The following FHIT variants were observed in gnomAD, a reference collection of about 807,000 sequenced individuals.
FHIT encodes the protein bis(5'-adenosyl)-triphosphatase.
In FHIT, 19 loss-of-function variants were observed where a neutral mutation model predicts 17.9. That is an observed-to-expected ratio of 1.06 (90% CI 0.74 to 1.56). FHIT has a LOEUF of 1.56. Among genes scored for constraint, FHIT ranks in the 40% most tolerant of loss-of-function variants. The pLI, the probability that FHIT is intolerant of heterozygous loss-of-function variation, is 0.00. For missense variants in FHIT, 248 were observed against 189.2 expected, an observed-to-expected ratio of 1.31 and a Z score of -1.82; for synonymous variants, 81 against 69.7, an observed-to-expected ratio of 1.16 and a Z score of -0.81.
At chr3:61,090,870 A>AT (rs780525244) in intron 2 of FHIT, among the ~76,000 whole-genome samples, 3 of 152,190 alleles carry the variant, frequency 2.0e-5, no homozygotes, top group Non-Finnish European at 4.4e-5. Flanking sequence ...CCAAAAGAGT[A>AT]AAAATTGATG....
chr3:60,253,359 C>T (rs1457175260), intron 5 of FHIT, among the ~76,000 whole-genome samples: 1 of 152,164 alleles, frequency 6.6e-6, no homozygotes, highest in African/African-American at 2.4e-5. Flanking sequence ...TTATTAAGAA[C>T]AACTCTGCTG....
intron 3 of FHIT, among the ~76,000 whole-genome samples, chr3:60,867,176 A>T (rs74465122): frequency 0.013 from 2,020 of 152,106 alleles, 42 homozygotes; most frequent in African/African-American, 0.047. Flanking sequence ...AAAATCAGCA[A>T]ATTTGCTTAT....
intron 5 of FHIT, among the ~76,000 whole-genome samples, chr3:60,016,294 C>T (rs7614540): frequency 0.46 from 70,041 of 151,986 alleles, 17,612 homozygotes; most frequent in East Asian, 0.79. Context: ...GTTTTTTTAG[C>T]AATAATATTT....
intron 8 of FHIT, among the ~76,000 whole-genome samples, chr3:59,761,340 C>T (rs1701503005): frequency 6.6e-6 from 1 of 152,184 alleles, no homozygotes; most frequent in Non-Finnish European, 1.5e-5. Flanking sequence ...TTCGTATCCT[C>T]TCGGCTAGCT....
chr3:60,506,401 T>A (rs1437649616), intron 5 of FHIT, among the ~76,000 whole-genome samples: 1 of 152,194 alleles, frequency 6.6e-6, no homozygotes, highest in Non-Finnish European at 1.5e-5. Flanking sequence ...TTACAGAGAT[T>A]GTGTTTGGCA....
intron 7 of FHIT, among the ~76,000 whole-genome samples, chr3:59,946,657 G>C (rs1458712720): frequency 6.6e-6 from 1 of 152,154 alleles, no homozygotes; most frequent in African/African-American, 2.4e-5. Context: ...CTATGGATTT[G>C]TCATTATTAT....
chr3:60,124,025 GA>G (rs1705411061), intron 5 of FHIT, among the ~76,000 whole-genome samples: 1 of 53,528 alleles, frequency 1.9e-5, no homozygotes, highest in Admixed American at 1.6e-4. Flanking sequence ...GAGAGAGAGA[GA>G]GAGAGAGAGA....
At chr3:59,997,765 T>C (rs1362936559) in intron 7 of FHIT, among the ~76,000 whole-genome samples, 3 of 152,150 alleles carry the variant, frequency 2.0e-5, no homozygotes, top group East Asian at 1.9e-4. Flanking sequence ...ATGCTGAGTA[T>C]AATCAATTAG....
intron 5 of FHIT, among the ~76,000 whole-genome samples, chr3:60,354,746 G>A (rs984228859): frequency 6.6e-6 from 1 of 152,152 alleles, no homozygotes; most frequent in African/African-American, 2.4e-5. Flanking sequence ...GGTAATATCT[G>A]ATGGCTGATT....
intron 5 of FHIT, among the ~76,000 whole-genome samples, chr3:60,084,231 T>C (rs1456200197): frequency 6.6e-5 from 10 of 152,192 alleles, no homozygotes; most frequent in Admixed American, 6.5e-4. Flanking sequence ...TACATTCTTT[T>C]GTAGTCTTTG....
At chr3:60,247,024 C>G (rs928149312) in intron 5 of FHIT, among the ~76,000 whole-genome samples, 1 of 152,090 alleles carries the variant, frequency 6.6e-6, no homozygotes, top group Non-Finnish European at 1.5e-5. Flanking sequence ...ACTCATCGAA[C>G]ATACATCACT....
chr3:59,983,331 C>G (rs1708737883), intron 7 of FHIT, among the ~76,000 whole-genome samples: 1 of 152,122 alleles, frequency 6.6e-6, no homozygotes, highest in African/African-American at 2.4e-5. Context: ...CAGTACAGTC[C>G]TACCTTCCTA....
intron 5 of FHIT, among the ~76,000 whole-genome samples, chr3:60,410,902 GA>G (rs1702036125): frequency 6.6e-6 from 1 of 152,044 alleles, no homozygotes; most frequent in South Asian, 2.1e-4. Flanking sequence ...GGAGTAATAA[GA>G]CAGAGAACTT....
intron 5 of FHIT, among the ~76,000 whole-genome samples, chr3:60,075,272 T>C (rs1702954462): frequency 6.6e-6 from 1 of 151,988 alleles, no homozygotes; most frequent in South Asian, 2.1e-4. Flanking sequence ...TTTAAAATGC[T>C]AGGGTGATGG....
intron 4 of FHIT, among the ~76,000 whole-genome samples, chr3:60,710,616 T>C (rs1049962649): frequency 3.3e-5 from 5 of 152,150 alleles, no homozygotes; most frequent in Admixed American, 3.3e-4. Flanking sequence ...CACCAGGAGA[T>C]TATATCCCAC....
At chr3:61,143,034 C>T (rs1337752879) in intron 2 of FHIT, among the ~76,000 whole-genome samples, 1 of 152,058 alleles carries the variant, frequency 6.6e-6, no homozygotes, top group East Asian at 1.9e-4. Context: ...TTCTTACCTG[C>T]ATGGAATGTT....
intron 5 of FHIT, among the ~76,000 whole-genome samples, chr3:60,105,258 C>T (rs1358214943): frequency 7.2e-5 from 11 of 152,132 alleles, no homozygotes; most frequent in Admixed American, 2.6e-4. Flanking sequence ...CTTTAAAATG[C>T]ATCTCAACTT....
chr3:60,744,758 G>A (rs537429411), intron 4 of FHIT, among the ~76,000 whole-genome samples: 15 of 152,286 alleles, frequency 9.8e-5, no homozygotes, highest in African/African-American at 3.6e-4. Flanking sequence ...TTCTGATAGA[G>A]ATTCATCTGG....
intron 3 of FHIT, among the ~76,000 whole-genome samples, chr3:60,983,194 A>C (rs1575793964): frequency 6.6e-6 from 1 of 151,672 alleles, no homozygotes; most frequent in South Asian, 2.1e-4. Context: ...ATGTTGGCTT[A>C]GCCCAGAGTC....
Sources: allele counts gnomAD v4.1 joint callset (sites outside exome capture counted in the v4.1 genomes callset), GRCh38; gene constraint gnomAD v4.1.1; transcripts MANE v1.5; gene names NCBI Gene and HGNC (gene_info 2026-07-23, HGNC 2026-07-21).